SYCE2: variants seen among roughly 807,000 people sequenced by gnomAD.
SYCE2 encodes the protein central element synaptonemal complex 1.
A neutral mutation model predicts 27.9 loss-of-function variants in SYCE2; 3 were observed. That is an observed-to-expected ratio of 0.11 (90% confidence interval 0.05 to 0.28). SYCE2 has a LOEUF of 0.28. Ranked by LOEUF, SYCE2 falls within the 10% of genes least tolerant of loss-of-function variation. The probability of loss-of-function intolerance (pLI) is 1.00; values close to 1 mark genes in which losing one functional copy is unlikely to be tolerated. For missense variants in SYCE2, 207 were observed against 263.5 expected (o/e 0.79, Z 1.48); for synonymous variants, 85 against 100.7 (o/e 0.84, Z 0.93).
At chr19:12,905,085 G>T (rs1970909533) in intron 2 of SYCE2, among the ~76,000 whole-genome samples, 1 of 151,904 alleles carries the variant, frequency 6.6e-6, no homozygotes, top group Non-Finnish European at 1.5e-5. Context: ...AGGTGGGAGG[G>T]GACCCGCGTT....
intron 2 of SYCE2, among the ~76,000 whole-genome samples, chr19:12,904,902 G>A (rs1360066915): frequency 6.6e-6 from 1 of 152,004 alleles, no homozygotes; most frequent in Non-Finnish European, 1.5e-5. Flanking sequence ...CTACTTGGGA[G>A]GCTGAGGCAG....
intron 2 of SYCE2, among the ~76,000 whole-genome samples, chr19:12,916,010 G>A (rs1306708932): frequency 6.6e-6 from 1 of 151,688 alleles, no homozygotes; most frequent in Non-Finnish European, 1.5e-5. Context: ...GTATGAGCAT[G>A]TCTGTCTGGA....
chr19:12,900,439 C>A, intron 4 of SYCE2, 21 bp downstream of exon 4: 1 of 1,608,376 alleles, frequency 6.2e-7, no homozygotes. Flanking sequence ...GGCAGCGCCC[C>A]CCCTGTGAGT....
At chr19:12,917,379 T>C (rs1296733239) in intron 2 of SYCE2, among the ~76,000 whole-genome samples, 1 of 152,002 alleles carries the variant, frequency 6.6e-6, no homozygotes, top group Admixed American at 6.6e-5. Flanking sequence ...TTTTCTTTTT[T>C]TTGAGACGGA....
intron 2 of SYCE2, 27 bp downstream of exon 2, chr19:12,918,195 G>T: frequency 6.3e-7 from 1 of 1,586,590 alleles, no homozygotes; most frequent in South Asian, 1.1e-5. Context: ...GGCCTGTGTA[G>T]ACCCATAGGG....
chr19:12,918,504 T>C (rs946353098), intron 1 of SYCE2, among the ~76,000 whole-genome samples, 167 bp from the exon 2 acceptor site: 1 of 151,660 alleles, frequency 6.6e-6, no homozygotes, highest in African/African-American at 2.4e-5. Context: ...GGCAGGGGCA[T>C]GGGGTGAAAG....
intron 3 of SYCE2, among the ~76,000 whole-genome samples, chr19:12,901,605 T>A (rs1461145055): frequency 1.3e-5 from 2 of 151,914 alleles, no homozygotes; most frequent in Non-Finnish European, 2.9e-5. Flanking sequence ...TATTTTAAAT[T>A]TTTTTGCTTT....
chr19:12,919,168 T>C, intron 1 of SYCE2, 75 bp downstream of exon 1: 1 of 1,585,928 alleles, frequency 6.3e-7, no homozygotes, highest in Non-Finnish European at 8.6e-7. Context: ...CCGCTGGAGA[T>C]GGCTGGGATC....
chr19:12,909,154 A>C (rs544964440), intron 2 of SYCE2, among the ~76,000 whole-genome samples: 1 of 152,292 alleles, frequency 6.6e-6, no homozygotes, highest in East Asian at 1.9e-4. Context: ...GCCATCCTTC[A>C]TCTTTGTATC....
chr19:12,904,411 T>G (rs969398640), intron 3 of SYCE2, 81 bp downstream of exon 3: 40 of 1,551,834 alleles, frequency 2.6e-5, no homozygotes, highest in Non-Finnish European at 2.4e-5. Context: ...CCGTGCCTGG[T>G]GTACAACAGA....
intron 1 of SYCE2, among the ~76,000 whole-genome samples, chr19:12,918,697 T>C (rs1971184514): frequency 6.6e-6 from 1 of 151,942 alleles, no homozygotes; most frequent in Non-Finnish European, 1.5e-5. Context: ...CTCACGCCTG[T>C]AATCCCAGCA....
intron 2 of SYCE2, among the ~76,000 whole-genome samples, chr19:12,917,699 G>A (rs1295129671): frequency 1.0e-5 from 1 of 96,192 alleles, no homozygotes; most frequent in Non-Finnish European, 2.0e-5. Context: ...CGGTCTTTTT[G>A]CCCAGGCTGG....
chr19:12,907,063 G>A (rs866515104), intron 2 of SYCE2, among the ~76,000 whole-genome samples: 5 of 152,152 alleles, frequency 3.3e-5, no homozygotes, highest in Middle Eastern at 6.8e-3. Context: ...TTATTTGACC[G>A]GTTTGACGTC....
At chr19:12,913,065 C>T (rs1971075552) in intron 2 of SYCE2, among the ~76,000 whole-genome samples, 1 of 152,226 alleles carries the variant, frequency 6.6e-6, no homozygotes, top group Admixed American at 6.6e-5. Flanking sequence ...TGTTGCCGAA[C>T]CCTGGACCGA....
At position 12,909,957 on chromosome 19, in the gene SYCE2, C is replaced by G. The variant is rs186595846; in HGVS notation, c.132-5291G>C. On this transcript the variant is annotated intron_variant, in intron 2 of 5. Coordinates refer to ENST00000293695, the MANE Select transcript of SYCE2 (RefSeq NM_001105578.2). ...TCTCAGGTCACTGCAACCTCCAACTCCCGGTTTCAAGCGATTCTCTTGCCT... is the reference window on the plus strand; with the variant it reads ...TCTCAGGTCACTGCAACCTCCAACTGCCGGTTTCAAGCGATTCTCTTGCCT... Among the ~76,000 whole-genome samples, 35 of 152,188 alleles carry G rather than the reference C, an allele frequency of 2.3e-4. No individual in the cohort carries two copies. The East Asian group carries it at 6.8e-3, about 29-fold the overall frequency.
intron 2 of SYCE2, among the ~76,000 whole-genome samples, chr19:12,910,383 G>A (rs890661602): frequency 7.3e-5 from 11 of 150,436 alleles, no homozygotes; most frequent in Admixed American, 4.6e-4. Flanking sequence ...ACTCTCACTC[G>A]GTCGCTCAGG....
At chr19:12,902,360 TAAATA>T (rs1970854837) in intron 3 of SYCE2, among the ~76,000 whole-genome samples, 1 of 152,038 alleles carries the variant, frequency 6.6e-6, no homozygotes, top group African/African-American at 2.4e-5. Flanking sequence ...TCAAAATAAA[TAAATA>T]AATAAATAAA....
intron 5 of SYCE2, 122 bp from the exon 6 acceptor site, chr19:12,899,507 T>C (rs1277384196): frequency 6.2e-7 from 1 of 1,614,242 alleles, no homozygotes. Context: ...GGGAGAGCTA[T>C]CACGGGAATC....
At chr19:12,916,994 C>G (rs1358201874) in intron 2 of SYCE2, among the ~76,000 whole-genome samples, 1 of 151,952 alleles carries the variant, frequency 6.6e-6, no homozygotes, top group African/African-American at 2.4e-5. Context: ...AAGTTATCTG[C>G]CAGCGCCAGC....
Sources: gnomAD v4.1 joint callset for allele counts (sites outside exome capture counted in the v4.1 genomes callset) on GRCh38, gnomAD v4.1.1 for gene constraint, MANE v1.5 for transcripts, NCBI Gene and HGNC (gene_info 2026-07-23, HGNC 2026-07-21) for gene names.